Variants in SDK1 observed in about 807,000 individuals in gnomAD.
SDK1 encodes sidekick cell adhesion molecule 1.
SDK1 carries 157 observed loss-of-function variants against 245.5 expected under a neutral mutation model. The ratio of observed to expected loss-of-function variants is 0.64; its 90% CI spans 0.56 to 0.73. SDK1 has a LOEUF of 0.73. Among genes scored for constraint, SDK1 ranks in the 30% least tolerant of loss-of-function variants. The pLI is 0.00. For missense variants in SDK1, 3,583 were observed against 3,002.3 expected (o/e 1.19, Z -4.52); for synonymous variants, 1,647 against 1,278.5 (o/e 1.29, Z -6.15).
chr7:3,881,410 G>A (rs1781206248), intron 5 of SDK1, among the ~76,000 whole-genome samples: 2 of 152,136 alleles, frequency 1.3e-5, no homozygotes, highest in Admixed American at 6.5e-5. Flanking sequence ...AGCTCCTTCT[G>A]CGTCCCTGCA....
intron 28 of SDK1, among the ~76,000 whole-genome samples, chr7:4,137,782 C>T (rs898391894): frequency 2.6e-5 from 4 of 152,190 alleles, no homozygotes; most frequent in African/African-American, 7.2e-5. Context: ...TGAAGTGCAG[C>T]GCACTGATGT....
chr7:3,546,937 A>G (rs1779243560), intron 1 of SDK1, among the ~76,000 whole-genome samples: 1 of 152,198 alleles, frequency 6.6e-6, no homozygotes, highest in Non-Finnish European at 1.5e-5. Flanking sequence ...TATCAGAAAG[A>G]TCTATGAAGT....
At chr7:3,882,731 T>G (rs529405949) in intron 5 of SDK1, among the ~76,000 whole-genome samples, 1 of 152,214 alleles carries the variant, frequency 6.6e-6, no homozygotes, top group African/African-American at 2.4e-5. Flanking sequence ...AGCCTTCTTT[T>G]TTTTTTTAAA....
At chr7:4,233,666 CA>C (rs1785953280) in intron 41 of SDK1, among the ~76,000 whole-genome samples, 1 of 152,148 alleles carries the variant, frequency 6.6e-6, no homozygotes, top group Admixed American at 6.5e-5. Context: ...ACGAAAGGGA[CA>C]CACATCTGCT....
intron 4 of SDK1, among the ~76,000 whole-genome samples, chr7:3,768,329 C>G (rs940472248): frequency 5.9e-5 from 9 of 152,300 alleles, no homozygotes; most frequent in African/African-American, 2.2e-4. Context: ...GTCCCCAAAA[C>G]TCAAGGACAG....
chr7:3,559,084 T>G (rs1376464603), intron 1 of SDK1, among the ~76,000 whole-genome samples: 1 of 152,186 alleles, frequency 6.6e-6, no homozygotes, highest in Non-Finnish European at 1.5e-5. Context: ...AGCAAGCATG[T>G]TCCCTCTGAC....
At chr7:3,601,517 A>T (rs905717092) in intron 1 of SDK1, among the ~76,000 whole-genome samples, 1 of 152,002 alleles carries the variant, frequency 6.6e-6, no homozygotes, top group East Asian at 1.9e-4. Flanking sequence ...AAAGTTGTTC[A>T]TAGTATTCTT....
At chr7:3,896,379 A>C (rs182005511) in intron 5 of SDK1, among the ~76,000 whole-genome samples, 33 of 152,278 alleles carry the variant, frequency 2.2e-4, no homozygotes, top group African/African-American at 7.9e-4. Context: ...GTGGGCTGTC[A>C]GGATTATGTT....
At chr7:3,620,202 G>A (rs995474987) in intron 2 of SDK1, among the ~76,000 whole-genome samples, 1 of 152,072 alleles carries the variant, frequency 6.6e-6, no homozygotes, top group Non-Finnish European at 1.5e-5. Flanking sequence ...GTGGTCCGTG[G>A]AACCACACTC....
At chr7:3,863,276 G>C (rs529464165) in intron 5 of SDK1, among the ~76,000 whole-genome samples, 1 of 152,246 alleles carries the variant, frequency 6.6e-6, no homozygotes, top group African/African-American at 2.4e-5. Context: ...CCCACCAATT[G>C]AATTATCAGA....
intron 1 of SDK1, among the ~76,000 whole-genome samples, chr7:3,320,395 G>A (rs1199620587): frequency 6.6e-6 from 1 of 151,938 alleles, no homozygotes; most frequent in Non-Finnish European, 1.5e-5. Context: ...AAGAACTCAT[G>A]TTACTATAGT....
At chr7:3,903,351 G>A (rs561261312) in intron 5 of SDK1, among the ~76,000 whole-genome samples, 2 of 152,150 alleles carry the variant, frequency 1.3e-5, no homozygotes, top group East Asian at 1.9e-4. Flanking sequence ...CACCGTGTTA[G>A]CCAGGATGGT....
chr7:3,893,261 A>G (rs910662616), intron 5 of SDK1, among the ~76,000 whole-genome samples: 1 of 152,162 alleles, frequency 6.6e-6, no homozygotes, highest in Non-Finnish European at 1.5e-5. Flanking sequence ...GCAGCAAAAC[A>G]GTGATTAGGA....
At chr7:3,562,304 G>T (rs1421596515) in intron 1 of SDK1, among the ~76,000 whole-genome samples, 2 of 152,100 alleles carry the variant, frequency 1.3e-5, no homozygotes, top group Non-Finnish European at 2.9e-5. Context: ...TTTTCTATTT[G>T]TTCAAGTAAA....
At chr7:4,262,187 C>T (rs1468282995) in intron 44 of SDK1, among the ~76,000 whole-genome samples, 1 of 151,038 alleles carries the variant, frequency 6.6e-6, no homozygotes, top group Non-Finnish European at 1.5e-5. Context: ...TACAGGCACC[C>T]ACCACCATGC....
intron 5 of SDK1, among the ~76,000 whole-genome samples, chr7:3,933,718 C>G (rs1339670611): frequency 6.6e-6 from 1 of 152,312 alleles, no homozygotes; most frequent in African/African-American, 2.4e-5. Flanking sequence ...AAAAAGTGCC[C>G]TATGACTGAT....
intron 1 of SDK1, among the ~76,000 whole-genome samples, chr7:3,456,675 A>G (rs1780678560): frequency 6.6e-6 from 1 of 152,144 alleles, no homozygotes; most frequent in Non-Finnish European, 1.5e-5. Context: ...CTTGTCAGAT[A>G]ATTCCAACAT....
chr7:3,652,851 A>G (rs1783051565), intron 4 of SDK1, among the ~76,000 whole-genome samples: 1 of 152,204 alleles, frequency 6.6e-6, no homozygotes, highest in South Asian at 2.1e-4. Context: ...GCTGTCTGCA[A>G]GGGAGTGATG....
At chr7:4,014,643 C>T (rs774638737) in intron 16 of SDK1, among the ~76,000 whole-genome samples, 25 of 152,090 alleles carry the variant, frequency 1.6e-4, no homozygotes, top group Admixed American at 4.6e-4. Flanking sequence ...GACGCGTGTG[C>T]AGTAATAAAA....
Sources: gnomAD v4.1 joint callset for allele counts (sites outside exome capture counted in the v4.1 genomes callset) on GRCh38, gnomAD v4.1.1 for gene constraint, MANE v1.5 for transcripts, NCBI Gene and HGNC (gene_info 2026-07-23, HGNC 2026-07-21) for gene names.